PCDHGA9: variants seen among roughly 807,000 people sequenced by gnomAD.
PCDHGA9 encodes protocadherin gamma-A9.
A neutral mutation model predicts 62.5 loss-of-function variants in PCDHGA9; 37 were observed. That is an observed-to-expected ratio of 0.59 (90% confidence interval 0.46 to 0.78). The LOEUF is 0.78. PCDHGA9 is among the 30% of genes least tolerant of loss of function. The probability of loss-of-function intolerance (pLI) is 0.00; values close to 1 mark genes in which losing one functional copy is unlikely to be tolerated. For synonymous variants in PCDHGA9, 459 were observed against 484.6 expected (o/e 0.95, Z 0.69); for missense variants, 1,138 against 1,166.2 (o/e 0.98, Z 0.35).
At chr5:141,413,342 TG>T in intron 1 of PCDHGA9, 1 of 1,613,974 alleles carries the variant, frequency 6.2e-7, no homozygotes, top group South Asian at 1.1e-5. Flanking sequence ...TCCAAGGACT[TG>T]GGTCTGGCGC....
At chr5:141,406,649 G>A (rs1447190497) in intron 1 of PCDHGA9, among the ~76,000 whole-genome samples, 2 of 152,098 alleles carry the variant, frequency 1.3e-5, no homozygotes, top group African/African-American at 2.4e-5. Flanking sequence ...ATTTCCTAAT[G>A]CTTTAATGTT....
At position 141,404,169 on chromosome 5, in the gene PCDHGA9, C is replaced by G; in HGVS notation, c.1217C>G (p.Thr406Arg). The change falls in exon 1 of 4, where the codon ACG (threonine) becomes AGG (arginine). Residue 406 changes from threonine (T) to arginine (R), a missense_variant. Transcript: ENST00000573521. Reference sequence around the variant, plus strand: ...GAAGAAGATTATTACAGATTGTTGACGGCCCAAATTCTTGACCGAGAAAAA... The same window carrying G: ...GAAGAAGATTATTACAGATTGTTGAGGGCCCAAATTCTTGACCGAGAAAAA... ...NSEEDYYRLL[T>R]AQILDREKAS... The G allele has an allele frequency of 2.5e-6, 4 of 1,612,736 alleles. No homozygotes were observed. Among genetic ancestry groups the G allele is most frequent in the Non-Finnish European group, 3.4e-6 (4 of 1,179,276 alleles).
chr5:141,409,341 G>C, intron 1 of PCDHGA9: 1 of 1,613,976 alleles, frequency 6.2e-7, no homozygotes, highest in Non-Finnish European at 8.5e-7. Flanking sequence ...GGAGGAAATG[G>C]AGAAGTCAGG....
At chr5:141,415,640 T>C in intron 1 of PCDHGA9, 1 of 1,594,726 alleles carries the variant, frequency 6.3e-7, no homozygotes, top group Non-Finnish European at 8.5e-7. Context: ...TTTACTTTTG[T>C]TAAAAAAAAA....
chr5:141,410,508 G>T (rs752298772), intron 1 of PCDHGA9: 1 of 1,613,968 alleles, frequency 6.2e-7, no homozygotes, highest in South Asian at 1.1e-5. Context: ...TTCCTAAAAT[G>T]CAGTGTGCCC....
At chr5:141,443,792 A>G (rs540226154) in intron 1 of PCDHGA9, among the ~76,000 whole-genome samples, 67 of 152,366 alleles carry the variant, frequency 4.4e-4, no homozygotes, top group African/African-American at 1.4e-3. Flanking sequence ...AAAAAAAATG[A>G]AAAGGAAACA....
At position 141,511,983 on chromosome 5, in the gene PCDHGA9, G is replaced by A. The variant is rs904146751; in HGVS notation, c.*810G>A. 6.5e-6 allele frequency: 1 copy of A among 153,280 alleles called. No homozygotes were observed. The highest frequency in any genetic ancestry group is 1.5e-5 in the Non-Finnish European group (1 of 68,572). The allele number at this position is 153,280 out of a possible 1,614,324, so 9.5% of individuals were successfully genotyped here. A position where few individuals can be genotyped will look rare whatever the true frequency, so the allele number is the denominator to read the frequency against. ...AGGGAAGTGTGTGGATGTGGATGGT[G>A]GGGGCATGGACAAAGCTTGACACAT... On this transcript the variant is annotated 3_prime_UTR_variant, in exon 4 of 4. Coordinates refer to ENST00000573521, the MANE Select transcript of PCDHGA9 (RefSeq NM_018921.3).
At chr5:141,414,957 G>A in intron 1 of PCDHGA9, 7 of 1,614,018 alleles carry the variant, frequency 4.3e-6, no homozygotes, top group Non-Finnish European at 3.4e-6. Flanking sequence ...TGGTGACCAA[G>A]GTGGTGGCGG....
intron 1 of PCDHGA9, chr5:141,408,814 A>G (rs1473137465): frequency 6.8e-6 from 11 of 1,613,456 alleles, no homozygotes; most frequent in Non-Finnish European, 8.5e-6. Context: ...ACCGGGAAGA[A>G]CAGAGATCTC....
Position 141,492,511 on chromosome 5 carries a change from C to T in PCDHGA9, c.2425-2296C>T, listed in dbSNP as rs58889912. Among the ~76,000 whole-genome samples the T allele has an allele frequency of 1.7e-3, 262 of 152,326 alleles. 2 individuals are homozygous for T. The highest frequency in any genetic ancestry group is 6.0e-3 in the African/African-American group (249 of 41,582). On this transcript the variant is annotated intron_variant, in intron 1 of 3. Coordinates refer to ENST00000573521, the MANE Select transcript of PCDHGA9 (RefSeq NM_018921.3). Reference sequence around the variant, plus strand: ...CCAGGCGAGGACTCCGGAGCCTCCTCTCACCTCTCCCACCTGCGCCCCGGG... The same window carrying T: ...CCAGGCGAGGACTCCGGAGCCTCCTTTCACCTCTCCCACCTGCGCCCCGGG...
chr5:141,450,908 G>A (rs1248622378), intron 1 of PCDHGA9, among the ~76,000 whole-genome samples: 12 of 147,640 alleles, frequency 8.1e-5, no homozygotes, highest in East Asian at 6.0e-4. Flanking sequence ...CACTGCAACC[G>A]CTGCCTCCCA....
Position 141,491,078 on chromosome 5 carries a change from C to G in PCDHGA9, c.2425-3729C>G, listed in dbSNP as rs1386717886. The G allele has an allele frequency of 5.6e-6, 9 of 1,614,194 alleles. No homozygotes were observed. Among genetic ancestry groups the G allele is most frequent in the East Asian group, 4.5e-5 (2 of 44,882 alleles). ...CTCTCCTACTCACTGTTGCCACAGTCCACAGCCCCAGGACTGTTCCTCGTG... is the reference window on the plus strand; with the variant it reads ...CTCTCCTACTCACTGTTGCCACAGTGCACAGCCCCAGGACTGTTCCTCGTG... On this transcript the variant is annotated intron_variant, in intron 1 of 3. Transcript: ENST00000573521. This position sits in a 1 kb window ranked among gnomAD's most constrained non-coding sequence, Gnocchi z 6.9.
In PCDHGA9 at chr5:141,418,344, T is replaced by C. The variant is rs746519142; in HGVS notation, c.2424+12968T>C. On this transcript the variant is annotated intron_variant, in intron 1 of 3. Transcript: ENST00000573521. ...CTTGAGTCTGCAGAAGATCCTGATA[T>C]TAGTATGAATTCGCTGAGCAAATAC... 4.3e-6 allele frequency: 7 copies of C among 1,613,890 alleles called. No individual in the cohort carries two copies. The highest frequency in any genetic ancestry group is 2.2e-5 in the South Asian group (2 of 91,086).
intron 1 of PCDHGA9, chr5:141,423,454 G>C (rs1323921797): frequency 1.9e-6 from 3 of 1,614,030 alleles, no homozygotes; most frequent in Non-Finnish European, 2.5e-6. Context: ...ACATTTTGTA[G>C]GCGTGGACGG....
intron 1 of PCDHGA9, among the ~76,000 whole-genome samples, chr5:141,453,322 G>A (rs897661534): frequency 6.6e-6 from 1 of 151,544 alleles, no homozygotes; most frequent in Non-Finnish European, 1.5e-5. Flanking sequence ...TTTTAGAGAT[G>A]GGGTCTCACT....
chr5:141,499,836 A>G (rs2099794751), intron 2 of PCDHGA9, among the ~76,000 whole-genome samples: 1 of 151,894 alleles, frequency 6.6e-6, no homozygotes, highest in African/African-American at 2.4e-5. Flanking sequence ...ACAGGTGTGC[A>G]CCACCACACA....
rs2097718776 is a variant in PCDHGA9, at chr5:141,434,813, T to C, written c.2424+29437T>C. On this transcript the variant is annotated intron_variant, in intron 1 of 3. Coordinates refer to ENST00000573521, the MANE Select transcript of PCDHGA9 (RefSeq NM_018921.3). ...TTTTTTCTGAGCTTGGAGAAATATA[T>C]CCCTTAGTACACTTGGCATTTATAA... Among the ~76,000 whole-genome samples, 5 of 151,962 alleles carry C rather than the reference T, an allele frequency of 3.3e-5. No individual in the cohort carries two copies. In the South Asian group the frequency reaches 1.0e-3, roughly 32 times the overall value.
chr5:141,415,506 C>G, intron 1 of PCDHGA9: 1 of 1,614,148 alleles, frequency 6.2e-7, no homozygotes, highest in Non-Finnish European at 8.5e-7. Flanking sequence ...TCCCCCAGCC[C>G]AATTATGCGG....
intron 2 of PCDHGA9, among the ~76,000 whole-genome samples, chr5:141,498,944 A>G (rs1249475504): frequency 7.2e-6 from 1 of 139,096 alleles, no homozygotes; most frequent in Non-Finnish European, 1.6e-5. Flanking sequence ...AAAGAAAGAA[A>G]GAAAAAGAGA....
Sources: allele counts gnomAD v4.1 joint callset (sites outside exome capture counted in the v4.1 genomes callset), GRCh38; gene constraint gnomAD v4.1.1; non-coding constraint Gnocchi (gnomAD v3.1); transcripts MANE v1.5; gene names NCBI Gene and HGNC (gene_info 2026-07-23, HGNC 2026-07-21).